The following XRCC6 variants were observed in gnomAD, a reference collection of about 807,000 sequenced individuals.
The protein encoded by XRCC6 is DNA repair protein Ku70.
In XRCC6, 5 loss-of-function variants were observed where a neutral mutation model predicts 65.7. That is an observed-to-expected ratio of 0.08 (90% CI 0.04 to 0.16). XRCC6 has a LOEUF of 0.16. Ranked by LOEUF, XRCC6 falls within the 10% of genes least tolerant of loss-of-function variation. XRCC6 has a pLI of 1.00. For synonymous variants in XRCC6, 270 were observed against 270.6 expected, an observed-to-expected ratio of 1.00 and a Z score of 0.02; for missense variants, 447 against 738.1, an observed-to-expected ratio of 0.61 and a Z score of 4.57.
chr22:41,625,817 A>C (rs1488151797), intron 2 of XRCC6, among the ~76,000 whole-genome samples: 6 of 152,318 alleles, frequency 3.9e-5, no homozygotes, highest in African/African-American at 1.4e-4. Context: ...TGAGAGAACA[A>C]GACTGTTTCT....
At chr22:41,645,071 C>T (rs778445124) in intron 6 of XRCC6, among the ~76,000 whole-genome samples, 9 of 151,658 alleles carry the variant, frequency 5.9e-5, no homozygotes, top group Non-Finnish European at 1.0e-4. Context: ...GAGGCCGAGG[C>T]GGGCGGATCA....
intron 2 of XRCC6, 74 bp from the exon 3 acceptor site, chr22:41,628,044 G>A (rs2067697586): frequency 9.3e-6 from 9 of 972,198 alleles, no homozygotes; most frequent in Non-Finnish European, 1.4e-5. Context: ...TTCCTTTATG[G>A]CCTTTATTTA....
intron 5 of XRCC6, 33 bp from the exon 6 acceptor site, chr22:41,637,575 T>A: frequency 1.3e-6 from 2 of 1,505,984 alleles, no homozygotes; most frequent in Non-Finnish European, 1.8e-6. Context: ...AAATTGTTTT[T>A]TCCTCCCTCA....
intron 3 of XRCC6, among the ~76,000 whole-genome samples, chr22:41,631,226 C>T (rs1477546896): frequency 6.6e-6 from 1 of 151,012 alleles, no homozygotes; most frequent in Non-Finnish European, 1.5e-5. Context: ...TGGGCAGAGG[C>T]GCCCCTCACC....
intron 6 of XRCC6, among the ~76,000 whole-genome samples, chr22:41,644,935 C>T (rs2067916387): frequency 1.3e-5 from 2 of 152,108 alleles, no homozygotes; most frequent in South Asian, 4.1e-4. Context: ...TGTCCTTGGG[C>T]AAGTCATGTA....
chr22:41,621,988 A>T lies in XRCC6; in HGVS notation c.-15-2A>T. 1.2e-6 allele frequency: 2 copies of T among 1,614,150 alleles called. No individual in the cohort carries two copies. The highest frequency in any genetic ancestry group is 1.7e-6 in the Non-Finnish European group (2 of 1,179,940). On this transcript the variant is annotated splice_acceptor_variant, in intron 1 of 12. Coordinates refer to ENST00000360079, the MANE Select transcript of XRCC6 (RefSeq NM_001469.5). LOFTEE classifies it low-confidence loss of function (5UTR_SPLICE). ...TTACTGACGTTAACGTCTTTCGCCT[A>T]GTGAGCAGTAGCCAACATGTCAGGG...
intron 3 of XRCC6, among the ~76,000 whole-genome samples, chr22:41,628,926 A>T (rs560778999): frequency 7.5e-6 from 1 of 133,924 alleles, no homozygotes; most frequent in East Asian, 2.5e-4. Flanking sequence ...AGATTGTGCC[A>T]CTGCACTCCA....
rs2068052070 is a variant in XRCC6, at chr22:41,657,100, A to G, written c.1421+68A>G. 6.0e-6 allele frequency: 9 copies of G among 1,506,656 alleles called. No homozygotes were observed. In the South Asian group the frequency reaches 9.7e-5, roughly 16 times the overall value. 93.3% of individuals were successfully genotyped at this position (1,506,656 alleles called of 1,614,324 possible). A position where few individuals can be genotyped will look rare whatever the true frequency, so the allele number is the denominator to read the frequency against. On this transcript the variant is annotated intron_variant, in intron 10 of 12. Transcript: ENST00000360079. Reference sequence around the variant, plus strand: ...AAATCTTATTAGAAACAGCTTGGGCATAGGCCAAGAGAATGGCACTACTCT... The same window carrying G: ...AAATCTTATTAGAAACAGCTTGGGCGTAGGCCAAGAGAATGGCACTACTCT...
intron 2 of XRCC6, among the ~76,000 whole-genome samples, chr22:41,625,743 C>G (rs1024157532): frequency 6.6e-6 from 1 of 152,144 alleles, no homozygotes; most frequent in Non-Finnish European, 1.5e-5. Context: ...GGCAGAGGAT[C>G]GCTCAAGCCC....
At chr22:41,624,142 T>A (rs1179924798) in intron 2 of XRCC6, among the ~76,000 whole-genome samples, 8 of 151,944 alleles carry the variant, frequency 5.3e-5, no homozygotes, top group Non-Finnish European at 1.2e-4. Context: ...CCCAACACTT[T>A]GGGAGGCTGA....
chr22:41,628,052 T>C (rs2067697741), intron 2 of XRCC6, 66 bp from the exon 3 acceptor site: 3 of 1,126,864 alleles, frequency 2.7e-6, no homozygotes, highest in Middle Eastern at 3.0e-4. Context: ...TGGCCTTTAT[T>C]TATCTTATAT....
chr22:41,625,103 C>G (rs1227249494), intron 2 of XRCC6, among the ~76,000 whole-genome samples: 1 of 151,758 alleles, frequency 6.6e-6, no homozygotes, highest in Non-Finnish European at 1.5e-5. Flanking sequence ...GTCAGGAGTT[C>G]AAGACCAGCC....
At chr22:41,623,743 C>CA (rs1185078382) in intron 2 of XRCC6, among the ~76,000 whole-genome samples, 1 of 138,604 alleles carries the variant, frequency 7.2e-6, no homozygotes, top group East Asian at 2.3e-4. Context: ...TTTATTGAGA[C>CA]AGAGTCTTGC....
intron 12 of XRCC6, chr22:41,661,647 A>C: frequency 1.8e-6 from 1 of 540,942 alleles, no homozygotes; most frequent in Non-Finnish European, 3.3e-6. Flanking sequence ...AATGTAAATT[A>C]GTACAGCCAC....
intron 2 of XRCC6, among the ~76,000 whole-genome samples, chr22:41,622,733 G>C (rs988255528): frequency 2.6e-5 from 4 of 152,058 alleles, no homozygotes; most frequent in Admixed American, 6.6e-5. Context: ...GATGTCAGGA[G>C]ATCAAGACCA....
At position 41,650,778 on chromosome 22, in the gene XRCC6, G is replaced by A. The variant is rs754875330; in HGVS notation, c.1016G>A (p.Arg339Gln). The change falls in exon 8 of 13, where the codon CGG becomes CAG. Residue 339 changes from arginine to glutamine, a missense_variant. Transcript: ENST00000360079. ...LEKEETEELK[R>Q]FDDPGLMLMG... is the part of the protein sequence containing the mutation. ...AAAGAGGAAACAGAAGAGCTAAAAC[G>A]GTTTGATGATCCAGGTTTGATGCTC... 1 of 1,613,884 alleles carries A rather than the reference G, an allele frequency of 6.2e-7. No homozygotes were observed. The highest frequency in any genetic ancestry group is 8.5e-7 in the Non-Finnish European group (1 of 1,179,838).
At chr22:41,623,348 G>A (rs890084965) in intron 2 of XRCC6, among the ~76,000 whole-genome samples, 2 of 151,954 alleles carry the variant, frequency 1.3e-5, no homozygotes, top group African/African-American at 2.4e-5. Flanking sequence ...CAAAGTTCTA[G>A]GTTTATAGTC....
intron 7 of XRCC6, among the ~76,000 whole-genome samples, chr22:41,649,139 A>AAAAAT: frequency 1.7e-4 from 15 of 88,738 alleles, no homozygotes; most frequent in South Asian, 4.3e-4. Flanking sequence ...AAAAAAAAAA[A>AAAAAT]ATATATATAT....
chr22:41,646,862 TCA>T, intron 6 of XRCC6, 32 bp from the exon 7 acceptor site: 1 of 1,541,106 alleles, frequency 6.5e-7, no homozygotes, highest in Non-Finnish European at 8.8e-7. Context: ...GTGCAGTTTT[TCA>T]GTTCATGCTC....
Sources: allele counts gnomAD v4.1 joint callset (sites outside exome capture counted in the v4.1 genomes callset), GRCh38; gene constraint gnomAD v4.1.1; transcripts MANE v1.5; gene names NCBI Gene and HGNC (gene_info 2026-07-23, HGNC 2026-07-21).